The following SHLD1 variants were observed in gnomAD, a reference collection of about 807,000 sequenced individuals.
SHLD1 encodes the protein RINN1-REV7-interacting novel NHEJ regulator 3.
In SHLD1, 3 loss-of-function variants were observed where a neutral mutation model predicts 5.5. The observed-to-expected ratio is 0.54, with a 90% CI of 0.25 to 1.40. The LOEUF (loss-of-function observed/expected upper bound fraction) is 1.40. SHLD1 is among the 40% of genes most tolerant of loss of function. SHLD1 has a pLI of 0.15. For synonymous variants in SHLD1, 92 were observed against 94.3 expected (o/e 0.98, Z 0.14); for missense variants, 210 against 244.4 (o/e 0.86, Z 0.94).
intron 2 of SHLD1, among the ~76,000 whole-genome samples, chr20:5,798,519 G>T (rs1166449409): frequency 6.6e-6 from 1 of 151,966 alleles, no homozygotes; most frequent in African/African-American, 2.4e-5. Context: ...AGCCAGGATG[G>T]TCTCAATCTC....
intron 2 of SHLD1, among the ~76,000 whole-genome samples, chr20:5,801,352 A>G (rs2087291684): frequency 7.9e-5 from 12 of 152,198 alleles, no homozygotes; most frequent in Admixed American, 7.9e-4. Flanking sequence ...CTGCGATTAT[A>G]GGCATGAGCC....
intron 2 of SHLD1, among the ~76,000 whole-genome samples, chr20:5,793,581 A>T (rs2087171608): frequency 2.0e-5 from 3 of 152,180 alleles, no homozygotes; most frequent in Non-Finnish European, 4.4e-5. Flanking sequence ...TCCATTTCTT[A>T]GTATTTTTAA....
At chr20:5,826,292 T>C (rs1411933762) in intron 2 of SHLD1, among the ~76,000 whole-genome samples, 1 of 152,182 alleles carries the variant, frequency 6.6e-6, no homozygotes, top group Non-Finnish European at 1.5e-5. Context: ...CCTTTTCCCA[T>C]ATTGAAATAG....
intron 2 of SHLD1, among the ~76,000 whole-genome samples, chr20:5,853,477 T>C (rs1600181612): frequency 6.6e-6 from 1 of 151,650 alleles, no homozygotes; most frequent in Non-Finnish European, 1.5e-5. Context: ...AAACAAATCG[T>C]GTGTGTGTGT....
intron 2 of SHLD1, among the ~76,000 whole-genome samples, chr20:5,807,925 A>G (rs2083935483): frequency 6.6e-6 from 1 of 152,200 alleles, no homozygotes; most frequent in Admixed American, 6.5e-5. Flanking sequence ...TTAATGATAA[A>G]GCACTAATCA....
rs1272587609 is a variant in SHLD1 at position 5,773,022 on chromosome 20, T to C, written c.157T>C (p.Tyr53His). ...FSSLEFHSFP[Y>H]SSDVDPDTSN... The stretch of plus-strand genomic sequence containing the variant: ...TTCTTTGGAATTCCATTCTTTTCCT[T>C]ATTCTTCTGATGTGGATCCAGGTAA... The change falls in exon 2 of 3, where the codon TAT (tyrosine) becomes CAT (histidine). Residue 53 changes from tyrosine (Y) to histidine (H), a missense_variant. Physicochemically the swap from Tyr to His is moderately conservative, Grantham distance 83. Coordinates refer to ENST00000303142, the MANE Select transcript of SHLD1 (RefSeq NM_152504.4). 6.2e-7 allele frequency: 1 copy of C among 1,614,196 alleles called. No homozygotes were observed. The highest frequency in any genetic ancestry group is 1.7e-5 in the Admixed American group (1 of 60,008).
At chr20:5,816,745 C>G (rs1222588131) in intron 2 of SHLD1, among the ~76,000 whole-genome samples, 1 of 152,178 alleles carries the variant, frequency 6.6e-6, no homozygotes, top group African/African-American at 2.4e-5. Context: ...ACAGATATTC[C>G]TATTTGTCAT....
chr20:5,783,712 G>A (rs1444938223), intron 2 of SHLD1, among the ~76,000 whole-genome samples: 2 of 152,138 alleles, frequency 1.3e-5, no homozygotes, highest in African/African-American at 2.4e-5. Flanking sequence ...TACAGTCTCC[G>A]AGCTGGTGGT....
chr20:5,804,350 A>AT (rs1224368436), intron 2 of SHLD1, among the ~76,000 whole-genome samples: 1 of 137,622 alleles, frequency 7.3e-6, no homozygotes, highest in Non-Finnish European at 1.6e-5. Context: ...GCAAAAAAAA[A>AT]CTATATATAT....
intron 2 of SHLD1, among the ~76,000 whole-genome samples, chr20:5,777,365 A>G (rs191238586): frequency 7.2e-5 from 11 of 152,240 alleles, no homozygotes; most frequent in African/African-American, 2.6e-4. Context: ...GAGGAAACAA[A>G]CTTGGAAAAG....
intron 2 of SHLD1, among the ~76,000 whole-genome samples, chr20:5,778,682 GACAGGAGCAGGGAATACACTAGAATC>G (rs1985554711): frequency 1.3e-5 from 2 of 151,008 alleles, no homozygotes; most frequent in East Asian, 3.9e-4. Context: ...TTTCAGCCAT[GACAGGAGCAGGGAATACACTAGAATC>G]AAATGGAAGC....
At chr20:5,771,103 T>C (rs1985127388) in intron 1 of SHLD1, among the ~76,000 whole-genome samples, 1 of 152,230 alleles carries the variant, frequency 6.6e-6, no homozygotes, top group East Asian at 1.9e-4. Flanking sequence ...CTTTGCTCTG[T>C]ACACTATGCT....
intron 2 of SHLD1, among the ~76,000 whole-genome samples, chr20:5,775,923 A>ATTTTTTTTTCTTTTTT (rs1985403243): frequency 1.3e-5 from 1 of 77,678 alleles, no homozygotes; most frequent in African/African-American, 6.0e-5. Flanking sequence ...TCAGCTCAGG[A>ATTTTTTTTTCTTTTTT]TTTTTTTTTT....
chr20:5,806,451 G>A lies in SHLD1; in HGVS notation c.178+33408G>A, dbSNP rs2087376908. Among the ~76,000 whole-genome samples, 1 of 152,126 alleles carries A rather than the reference G, an allele frequency of 6.6e-6. No individual in the cohort carries two copies. The highest frequency in any genetic ancestry group is 6.5e-5 in the Admixed American group (1 of 15,268). Reference sequence around the variant, plus strand: ...CTGATCATTTTCCTGTATTACTGTGGGGAAGTGGATTATCTGCAATACATG... The same window carrying A: ...CTGATCATTTTCCTGTATTACTGTGAGGAAGTGGATTATCTGCAATACATG... On this transcript the variant is annotated intron_variant, in intron 2 of 2. Coordinates refer to ENST00000303142, the MANE Select transcript of SHLD1 (RefSeq NM_152504.4). The surrounding 1 kb of genome is among the most constrained non-coding windows in gnomAD (Gnocchi z 7.6).
At chr20:5,802,749 T>C (rs2087311999) in intron 2 of SHLD1, among the ~76,000 whole-genome samples, 1 of 151,876 alleles carries the variant, frequency 6.6e-6, no homozygotes. Context: ...TGGGCTCAGG[T>C]GATCTTCCCA....
At chr20:5,815,047 T>C (rs1191311688) in intron 2 of SHLD1, among the ~76,000 whole-genome samples, 2 of 152,196 alleles carry the variant, frequency 1.3e-5, no homozygotes, top group African/African-American at 2.4e-5. Flanking sequence ...CTTATGTTCC[T>C]TGGGGGTTTC....
At chr20:5,781,317 G>T (rs968384782) in intron 2 of SHLD1, among the ~76,000 whole-genome samples, 3 of 152,140 alleles carry the variant, frequency 2.0e-5, no homozygotes, top group Non-Finnish European at 2.9e-5. Flanking sequence ...AGGATTGCTT[G>T]AGCCCAGGAG....
intron 2 of SHLD1, among the ~76,000 whole-genome samples, chr20:5,803,203 T>A (rs1328918501): frequency 1.3e-5 from 2 of 152,134 alleles, no homozygotes; most frequent in East Asian, 3.9e-4. Flanking sequence ...TTTTGCTCTG[T>A]TACCCAGGTT....
intron 2 of SHLD1, among the ~76,000 whole-genome samples, chr20:5,774,081 G>T (rs968799548): frequency 6.6e-6 from 1 of 152,096 alleles, no homozygotes; most frequent in South Asian, 2.1e-4. Flanking sequence ...GCGGGCGCCT[G>T]TAATACCAGC....
Sources: allele counts gnomAD v4.1 joint callset (sites outside exome capture counted in the v4.1 genomes callset), GRCh38; gene constraint gnomAD v4.1.1; non-coding constraint Gnocchi (gnomAD v3.1); transcripts MANE v1.5; gene names NCBI Gene and HGNC (gene_info 2026-07-23, HGNC 2026-07-21).